The following PARD6G variants were observed in gnomAD, a reference collection of about 807,000 sequenced individuals.
PARD6G encodes the protein partitioning defective 6 homolog gamma.
In PARD6G, 7 loss-of-function variants were observed where a neutral mutation model predicts 10.7. The ratio of observed to expected loss-of-function variants is 0.66; its 90% confidence interval spans 0.37 to 1.23. The LOEUF (loss-of-function observed/expected upper bound fraction) is 1.23, where lower values mean the gene tolerates loss of function less well. Ranked by LOEUF, PARD6G falls within the 50% of genes most tolerant of loss-of-function variation. The probability of loss-of-function intolerance (pLI) is 0.02; values close to 1 mark genes in which losing one functional copy is unlikely to be tolerated. For missense variants in PARD6G, 548 were observed against 571.8 expected, an observed-to-expected ratio of 0.96 and a Z score of 0.42; for synonymous variants, 287 against 269.4, an observed-to-expected ratio of 1.07 and a Z score of -0.64.
chr18:80,223,286 A>C (rs113896886), intron 1 of PARD6G, among the ~76,000 whole-genome samples: 239 of 152,358 alleles, frequency 1.6e-3, no homozygotes, highest in African/African-American at 4.8e-3. Flanking sequence ...TAAACTTAAA[A>C]ACCTTTGTGC....
chr18:80,221,094 C>G (rs1167091770), intron 1 of PARD6G, among the ~76,000 whole-genome samples: 1 of 152,094 alleles, frequency 6.6e-6, no homozygotes, highest in East Asian at 1.9e-4. Context: ...TGGGTCTGGA[C>G]TTTTCTTAGT....
chr18:80,221,642 C>T (rs1967231068), intron 1 of PARD6G, among the ~76,000 whole-genome samples: 2 of 152,052 alleles, frequency 1.3e-5, no homozygotes, highest in Non-Finnish European at 2.9e-5. Context: ...AGATCAACAA[C>T]AAAACAAGAA....
chr18:80,180,867 C>T lies in PARD6G; in HGVS notation c.296-20261G>A, dbSNP rs940934453. On this transcript the variant is annotated intron_variant, in intron 2 of 2. Coordinates refer to ENST00000353265, the MANE Select transcript of PARD6G (RefSeq NM_032510.4). This position sits in a 1 kb window ranked among gnomAD's most constrained non-coding sequence, Gnocchi z 5.6. ...ATGTCTGGAGACATTCTAATTGGCA[C>T]AAGTTGGGGGGAAGCTCCTGGTATC... 4.6e-5 allele frequency among the ~76,000 whole-genome samples: 7 copies of T among 152,186 alleles called. No individual in the cohort carries two copies. The highest frequency in any genetic ancestry group is 1.7e-4 in the African/African-American group (7 of 41,442).
At chr18:80,245,428 T>C (rs1967533239) in intron 1 of PARD6G, among the ~76,000 whole-genome samples, 1 of 152,164 alleles carries the variant, frequency 6.6e-6, no homozygotes, top group Non-Finnish European at 1.5e-5. Context: ...AAAACTGCTC[T>C]GCACCTTGAT....
Position 80,246,402 on chromosome 18 carries a change from A to T in PARD6G, c.72+875T>A, listed in dbSNP as rs1470407927. Among the ~76,000 whole-genome samples, 4 of 152,102 alleles carry T rather than the reference A, an allele frequency of 2.6e-5. No individual in the cohort carries two copies. Among genetic ancestry groups the T allele is most frequent in the African/African-American group, 4.8e-5 (2 of 41,422 alleles). ...GCAGAAGCGCCAGATCCTACCAGCCAATTACCCAGACGCGCATCGCGACCC... is the reference window on the plus strand; with the variant it reads ...GCAGAAGCGCCAGATCCTACCAGCCTATTACCCAGACGCGCATCGCGACCC... On this transcript the variant is annotated intron_variant, in intron 1 of 2. Transcript: ENST00000353265. This position sits in a 1 kb window ranked among gnomAD's most constrained non-coding sequence, Gnocchi z 6.7.
At position 80,159,780 on chromosome 18, in the gene PARD6G, G is replaced by T; in HGVS notation, c.1122C>A (p.Val374=). The part of the protein sequence containing the change: ...PGGVEEHGPA[V]TL ...GGGGCCTCTCGGGAGTCTAGAGCGT[G>T]ACCGCGGGCCCGTGCTCCTCCACGC... The change falls in exon 3 of 3, where the codon GTC becomes GTA. Residue 374 remains valine (V), a synonymous_variant. Transcript: ENST00000353265. 7.0e-7 allele frequency: 1 copy of T among 1,427,854 alleles called. No individual in the cohort carries two copies. Among genetic ancestry groups the T allele is most frequent in the South Asian group, 1.6e-5 (1 of 64,498 alleles). 88.4% of individuals were successfully genotyped at this position (1,427,854 alleles called of 1,614,324 possible).
rs944179360 is a variant in PARD6G at position 80,183,497 on chromosome 18, G to T, written c.295+19213C>A. Among the ~76,000 whole-genome samples the T allele has an allele frequency of 6.6e-6, 1 of 152,136 alleles. No homozygotes were observed. Among genetic ancestry groups the T allele is most frequent in the East Asian group, 1.9e-4 (1 of 5,188 alleles). On this transcript the variant is annotated intron_variant, in intron 2 of 2. Transcript: ENST00000353265. The surrounding 1 kb of genome is among the most constrained non-coding windows in gnomAD (Gnocchi z 4.5). ...AGCTGAGTCCCCCAAGGCTCAGCACGTGATCCTGCCGGTCGTACACACAGC... is the reference window on the plus strand; with the variant it reads ...AGCTGAGTCCCCCAAGGCTCAGCACTTGATCCTGCCGGTCGTACACACAGC...
At chr18:80,203,942 C>T (rs767486425) in intron 1 of PARD6G, among the ~76,000 whole-genome samples, 35 of 152,274 alleles carry the variant, frequency 2.3e-4, no homozygotes, top group Non-Finnish European at 3.1e-4. Flanking sequence ...CATGTACACC[C>T]GCCTCAGGAG....
intron 1 of PARD6G, among the ~76,000 whole-genome samples, chr18:80,230,448 G>A (rs565513773): frequency 2.6e-5 from 4 of 152,320 alleles, no homozygotes; most frequent in Admixed American, 6.5e-5. Flanking sequence ...ACGTTGGGAC[G>A]GTTTAAAATC....
chr18:80,211,357 A>G (rs1164789079), intron 1 of PARD6G, among the ~76,000 whole-genome samples: 4 of 152,256 alleles, frequency 2.6e-5, no homozygotes, highest in Non-Finnish European at 4.4e-5. Context: ...CATTTAAAAG[A>G]CAATGCTGGG....
At chr18:80,238,984 C>T (rs781098553) in intron 1 of PARD6G, among the ~76,000 whole-genome samples, 12 of 152,074 alleles carry the variant, frequency 7.9e-5, no homozygotes, top group Non-Finnish European at 1.5e-4. Flanking sequence ...TTTTAATCAG[C>T]GAAAGCCTTT....
At position 80,192,174 on chromosome 18, in the gene PARD6G, C is replaced by T. The variant is rs958232530; in HGVS notation, c.295+10536G>A. 1.4e-4 allele frequency among the ~76,000 whole-genome samples: 21 copies of T among 152,224 alleles called. No individual in the cohort carries two copies. The highest frequency in any genetic ancestry group is 1.0e-4 in the Non-Finnish European group (7 of 68,044). On this transcript the variant is annotated intron_variant, in intron 2 of 2. Transcript: ENST00000353265. The surrounding 1 kb of genome is among the most constrained non-coding windows in gnomAD (Gnocchi z 4.9). ...ACAAGACCAGACTGCGCATTCTCTA[C>T]GAGACATGATATGACAGTGACCCCT...
Position 80,231,215 on chromosome 18 carries a change from G to C in PARD6G, c.72+16062C>G, listed in dbSNP as rs1486706858. Among the ~76,000 whole-genome samples the C allele has an allele frequency of 6.6e-6, 1 of 152,336 alleles. No individual in the cohort carries two copies. ...GGCTCAGGAGACTCTAGTGCTGAGA[G>C]GTAGGGCCAGGGGAAAGGTGCTGGG... On this transcript the variant is annotated intron_variant, in intron 1 of 2. Transcript: ENST00000353265. This position sits in a 1 kb window ranked among gnomAD's most constrained non-coding sequence, Gnocchi z 4.2.
chr18:80,218,674 A>T (rs1489648138), intron 1 of PARD6G, among the ~76,000 whole-genome samples: 1 of 152,134 alleles, frequency 6.6e-6, no homozygotes, highest in Non-Finnish European at 1.5e-5. Context: ...CAGCTCCACT[A>T]GGCAGTGCTC....
At chr18:80,191,522 CAT>C (rs1309265248) in intron 2 of PARD6G, among the ~76,000 whole-genome samples, 2 of 152,212 alleles carry the variant, frequency 1.3e-5, no homozygotes, top group African/African-American at 4.8e-5. Flanking sequence ...GATGGAGAGA[CAT>C]AAATTTTCTG....
intron 2 of PARD6G, among the ~76,000 whole-genome samples, chr18:80,176,827 C>T (rs951548415): frequency 2.6e-5 from 4 of 152,110 alleles, no homozygotes; most frequent in Non-Finnish European, 5.9e-5. Context: ...CAGCCCTTCA[C>T]GATCCTTAGA....
At chr18:80,194,185 C>T (rs1373142884) in intron 2 of PARD6G, among the ~76,000 whole-genome samples, 2 of 152,168 alleles carry the variant, frequency 1.3e-5, no homozygotes, top group Non-Finnish European at 2.9e-5. Context: ...ATCCTCCTGG[C>T]CACAGAAAAC....
chr18:80,234,399 A>G (rs1967395181), intron 1 of PARD6G, among the ~76,000 whole-genome samples: 1 of 152,184 alleles, frequency 6.6e-6, no homozygotes, highest in Admixed American at 6.5e-5. Context: ...GGGACCTTAA[A>G]TTCTGTAAGA....
chr18:80,166,959 C>A (rs565038690), intron 2 of PARD6G, among the ~76,000 whole-genome samples: 1 of 152,226 alleles, frequency 6.6e-6, no homozygotes, highest in South Asian at 2.1e-4. Context: ...CCCATGCTGA[C>A]CCCTCTGGCC....
Sources: gnomAD v4.1 joint callset for allele counts (sites outside exome capture counted in the v4.1 genomes callset) on GRCh38, gnomAD v4.1.1 for gene constraint, Gnocchi (gnomAD v3.1) non-coding constraint, MANE v1.5 for transcripts, NCBI Gene and HGNC (gene_info 2026-07-23, HGNC 2026-07-21) for gene names.